Variants in TMEM117 observed in about 807,000 individuals in gnomAD.
TMEM117 encodes transmembrane protein 117.
TMEM117 carries 27 observed loss-of-function variants against 52.4 expected under a neutral mutation model. That is an observed-to-expected ratio of 0.51 (90% confidence interval 0.38 to 0.71). The LOEUF is 0.71. Among genes scored for constraint, TMEM117 ranks in the 30% least tolerant of loss-of-function variants. The pLI, the probability that TMEM117 is intolerant of heterozygous loss-of-function variation, is 0.00. For synonymous variants in TMEM117, 215 were observed against 206.3 expected (o/e 1.04, Z -0.36); for missense variants, 556 against 630.5 (o/e 0.88, Z 1.26).
chr12:43,806,381 G>A, the TMEM117 span: 1 of 1,207,362 alleles, frequency 8.3e-7, no homozygotes, highest in East Asian at 3.8e-5. Context: ...CGCCCCGTGA[G>A]GTTGACTGAG....
At chr12:44,020,372 T>C (rs568549946) in intron 3 of TMEM117, among the ~76,000 whole-genome samples, 194 of 152,300 alleles carry the variant, frequency 1.3e-3, no homozygotes, top group Non-Finnish European at 2.5e-3. Context: ...TGTATTCTCT[T>C]GGTCAAAGAC....
intron 5 of TMEM117, among the ~76,000 whole-genome samples, chr12:44,240,590 A>G (rs1161298970): frequency 2.0e-5 from 3 of 151,986 alleles, no homozygotes; most frequent in East Asian, 1.9e-4. Context: ...ATCGGTATGT[A>G]TATGTTTGTG....
At chr12:44,372,870 G>A (rs1159120690) in intron 6 of TMEM117, among the ~76,000 whole-genome samples, 7 of 152,138 alleles carry the variant, frequency 4.6e-5, no homozygotes, top group Admixed American at 1.3e-4. Context: ...CTTTCCTGAG[G>A]CAGATGTTCA....
chr12:44,242,289 C>G (rs1437279731), intron 5 of TMEM117, among the ~76,000 whole-genome samples: 2 of 151,852 alleles, frequency 1.3e-5, no homozygotes, highest in East Asian at 1.9e-4. Context: ...ACATCCTCCT[C>G]CTACCCTCCA....
At chr12:44,001,273 C>T (rs1946112837) in intron 3 of TMEM117, among the ~76,000 whole-genome samples, 1 of 152,152 alleles carries the variant, frequency 6.6e-6, no homozygotes, top group African/African-American at 2.4e-5. Flanking sequence ...TATATAGATA[C>T]CTAGCTCTGG....
intron 3 of TMEM117, among the ~76,000 whole-genome samples, chr12:43,964,360 A>T (rs1320069446): frequency 6.6e-6 from 1 of 152,168 alleles, no homozygotes. Context: ...ACAGACTACT[A>T]CATGAGACCA....
At chr12:43,963,750 C>T (rs935818851) in intron 3 of TMEM117, among the ~76,000 whole-genome samples, 1 of 152,160 alleles carries the variant, frequency 6.6e-6, no homozygotes, top group Non-Finnish European at 1.5e-5. Context: ...TTAAGATTGT[C>T]ATTTGTGGTA....
chr12:43,819,028 G>A, the TMEM117 span, among the ~76,000 whole-genome samples: 1 of 152,240 alleles, frequency 6.6e-6, no homozygotes, highest in Non-Finnish European at 1.5e-5. Context: ...TGAGAACACA[G>A]GGTTAATAAG....
At chr12:43,885,529 A>G (rs1177296279) in intron 2 of TMEM117, among the ~76,000 whole-genome samples, 1 of 151,838 alleles carries the variant, frequency 6.6e-6, no homozygotes, top group African/African-American at 2.4e-5. Context: ...CCAAGAGGGA[A>G]AAAAAGAACA....
intron 6 of TMEM117, among the ~76,000 whole-genome samples, chr12:44,313,395 CTT>C (rs1304404757): frequency 6.6e-6 from 1 of 152,064 alleles, no homozygotes; most frequent in Non-Finnish European, 1.5e-5. Flanking sequence ...TTTTTGTTGA[CTT>C]TGTCAAAGGT....
intron 5 of TMEM117, among the ~76,000 whole-genome samples, chr12:44,294,477 G>T (rs999315154): frequency 6.6e-6 from 1 of 152,192 alleles, no homozygotes; most frequent in East Asian, 1.9e-4. Flanking sequence ...ATGGAAACTA[G>T]TATGAATTTC....
At chr12:44,059,076 T>A (rs1947100001) in intron 3 of TMEM117, among the ~76,000 whole-genome samples, 1 of 152,116 alleles carries the variant, frequency 6.6e-6, no homozygotes, top group African/African-American at 2.4e-5. Context: ...CAGTTCACAA[T>A]GGGGTTCATG....
chr12:44,224,238 C>T (rs1949829335), intron 5 of TMEM117, among the ~76,000 whole-genome samples: 1 of 152,124 alleles, frequency 6.6e-6, no homozygotes, highest in South Asian at 2.1e-4. Flanking sequence ...TGATTCACTA[C>T]AGTTTTAGTA....
chr12:43,799,438 G>A, the TMEM117 span: 1 of 1,610,404 alleles, frequency 6.2e-7, no homozygotes, highest in Admixed American at 1.7e-5. Flanking sequence ...CTCAGCTGCA[G>A]TCAGTGGGGC....
chr12:44,116,632 A>G (rs1289520407), intron 3 of TMEM117, among the ~76,000 whole-genome samples: 1 of 152,178 alleles, frequency 6.6e-6, no homozygotes, highest in Non-Finnish European at 1.5e-5. Flanking sequence ...GTAAAACTCA[A>G]CTTTTCCAAA....
At chr12:44,090,971 G>A (rs916955234) in intron 3 of TMEM117, among the ~76,000 whole-genome samples, 8 of 149,270 alleles carry the variant, frequency 5.4e-5, no homozygotes, top group African/African-American at 2.0e-4. Context: ...AACATATCAA[G>A]ATAAATACTT....
chr12:44,120,124 G>A (rs967715636), intron 3 of TMEM117, among the ~76,000 whole-genome samples: 12 of 152,114 alleles, frequency 7.9e-5, no homozygotes, highest in Non-Finnish European at 1.3e-4. Flanking sequence ...GAAGGTGTGT[G>A]CCCAGAGAAG....
At chr12:44,351,085 T>G (rs1951555901) in intron 6 of TMEM117, among the ~76,000 whole-genome samples, 1 of 152,084 alleles carries the variant, frequency 6.6e-6, no homozygotes, top group Admixed American at 6.6e-5. Flanking sequence ...AATATCTCAT[T>G]GTAATTTTGA....
intron 3 of TMEM117, among the ~76,000 whole-genome samples, chr12:44,054,670 T>C (rs1173096088): frequency 6.6e-6 from 1 of 152,164 alleles, no homozygotes; most frequent in African/African-American, 2.4e-5. Flanking sequence ...TATGTGACAA[T>C]GATACTTTCC....
Sources: allele counts gnomAD v4.1 joint callset (sites outside exome capture counted in the v4.1 genomes callset), GRCh38; gene constraint gnomAD v4.1.1; transcripts MANE v1.5; gene names NCBI Gene and HGNC (gene_info 2026-07-23, HGNC 2026-07-21).